Variants in XRN1 observed in about 807,000 individuals in gnomAD.
The protein encoded by XRN1 is strand-exchange protein 1 homolog.
XRN1 carries 67 observed loss-of-function variants against 222.3 expected under a neutral mutation model. The ratio of observed to expected loss-of-function variants is 0.30; its 90% confidence interval spans 0.25 to 0.37. The LOEUF (loss-of-function observed/expected upper bound fraction) is 0.37. XRN1 is among the 10% of genes least tolerant of loss of function. The pLI is 1.00. For missense variants in XRN1, 1,707 were observed against 2,000.2 expected, an observed-to-expected ratio of 0.85 and a Z score of 2.80; for synonymous variants, 643 against 652.4, an observed-to-expected ratio of 0.99 and a Z score of 0.22.
At chr3:142,335,359 A>G in intron 34 of XRN1, 89 bp downstream of exon 34, 1 of 1,294,182 alleles carries the variant, frequency 7.7e-7, no homozygotes. Flanking sequence ...AATTTGGTTG[A>G]AAAGGTTGAG....
rs949604517 is a variant in XRN1 at position 142,447,336 on chromosome 3, G to C, written c.75+534C>G. Among the ~76,000 whole-genome samples the C allele has an allele frequency of 2.0e-5, 3 of 152,150 alleles. No individual in the cohort carries two copies. Among genetic ancestry groups the C allele is most frequent in the South Asian group, 2.1e-4 (1 of 4,830 alleles). Reference sequence around the variant, plus strand: ...TTGAAATAACAGAAAGTAACAAAAGGCATCACCAATATGACCATCAGCCAC... The same window carrying C: ...TTGAAATAACAGAAAGTAACAAAAGCCATCACCAATATGACCATCAGCCAC... On this transcript the variant is annotated intron_variant, in intron 1 of 40. Transcript: ENST00000392981. The surrounding 1 kb of genome is among the most constrained non-coding windows in gnomAD (Gnocchi z 4.2).
chr3:142,391,749 AATATATATAT>A (rs56952263), intron 20 of XRN1, among the ~76,000 whole-genome samples: 5 of 103,462 alleles, frequency 4.8e-5, no homozygotes, highest in African/African-American at 1.1e-4. Flanking sequence ...AAAAAAAAAA[AATATATATAT>A]ATATATATAT....
At chr3:142,405,490 G>C (rs918949631) in intron 15 of XRN1, among the ~76,000 whole-genome samples, 2 of 151,988 alleles carry the variant, frequency 1.3e-5, no homozygotes. Context: ...AGTAATTCCA[G>C]TCAGGACATC....
intron 2 of XRN1, chr3:142,429,563 GA>G (rs1179817695): frequency 6.6e-6 from 1 of 152,254 alleles, no homozygotes; most frequent in Non-Finnish European, 1.5e-5. Context: ...TCACTGTAGA[GA>G]ATGGCAGAAA....
At chr3:142,413,999 T>TA in intron 14 of XRN1, 136 bp downstream of exon 14, 6 of 940,706 alleles carry the variant, frequency 6.4e-6, no homozygotes, top group African/African-American at 5.1e-5. Flanking sequence ...AGGGACTTGT[T>TA]AAAAAAATAC....
At chr3:142,333,899 T>C (rs1426563380) in intron 34 of XRN1, among the ~76,000 whole-genome samples, 2 of 152,218 alleles carry the variant, frequency 1.3e-5, no homozygotes, top group Non-Finnish European at 2.9e-5. Flanking sequence ...TTTTTAGCAT[T>C]AAAGACATTA....
chr3:142,371,327 C>T lies in XRN1; in HGVS notation c.2980G>A (p.Ala994Thr). ...EQLLAEYLER[A>T]PELFSYIAKN... ...GCTATATAACTAAATAGTTCTGGAGCTCTGGTCAAACAAACAAAAATATTG... is the reference window on the plus strand; with the variant it reads ...GCTATATAACTAAATAGTTCTGGAGTTCTGGTCAAACAAACAAAAATATTG... The change falls in exon 26 of 41, where the codon GCT becomes ACT. Residue 994 changes from alanine to threonine, a missense_variant and splice_region_variant. By Grantham distance (58) the Ala-to-Thr change is moderately conservative. Coordinates refer to ENST00000392981, the MANE Select transcript of XRN1 (RefSeq NM_001282857.2). 6.2e-7 allele frequency: 1 copy of T among 1,607,212 alleles called. No individual in the cohort carries two copies. Among genetic ancestry groups the T allele is most frequent in the Non-Finnish European group, 8.5e-7 (1 of 1,178,090 alleles).
At position 142,312,722 on chromosome 3, in the gene XRN1, G is replaced by A. The variant is rs771535258; in HGVS notation, c.4658C>T (p.Ser1553Leu). The A allele has an allele frequency of 2.0e-5, 33 of 1,612,624 alleles. No individual in the cohort carries two copies. The Admixed American group carries it at 4.5e-4, about 22-fold the overall frequency. Residue 1553 changes from serine to leucine, a missense_variant, in exon 40 of 41, where the codon TCA becomes TTA. Around this residue, in one of 2 missense-constraint regions of XRN1, gnomAD observed 473 missense variants for 482.0 expected, o/e 0.98. Transcript: ENST00000392981. ...TGGCACCGATGGTCCCCATGGCATT[G>A]AGCCAAAGAGATGAGACGACGAAGG... is the stretch of plus-strand genomic sequence containing the variant. ...IMPSSSHLFG[S>L]MPWGPSVPVP...
chr3:142,318,960 C>T lies in XRN1; in HGVS notation c.4405-57G>A, dbSNP rs961783010. ...TTCTCTGTCTAGGAAGTTGACCTCT[C>T]CCAAAGTTTAGTCTAAACAAGTAAA... is the stretch of plus-strand genomic sequence containing the variant. On this transcript the variant is annotated intron_variant, in intron 37 of 40. Coordinates refer to ENST00000392981, the MANE Select transcript of XRN1 (RefSeq NM_001282857.2). 3 of 1,410,498 alleles carry T rather than the reference C, an allele frequency of 2.1e-6. No individual in the cohort carries two copies. The African/African-American group carries it at 4.3e-5, about 20-fold the overall frequency. The allele number at this position is 1,410,498 out of a possible 1,614,324, so 87.4% of individuals were successfully genotyped here. A position where few individuals can be genotyped will look rare whatever the true frequency, so the allele number is the denominator to read the frequency against.
chr3:142,314,459 T>C (rs1204102158), intron 39 of XRN1, among the ~76,000 whole-genome samples: 1 of 152,000 alleles, frequency 6.6e-6, no homozygotes, highest in East Asian at 1.9e-4. Flanking sequence ...CTACACATAC[T>C]AATTACTTAA....
At chr3:142,329,177 G>A (rs1040362439) in intron 37 of XRN1, among the ~76,000 whole-genome samples, 2 of 152,100 alleles carry the variant, frequency 1.3e-5, no homozygotes, top group Non-Finnish European at 2.9e-5. Flanking sequence ...AATTGCTACT[G>A]TAGGCCAAGA....
chr3:142,396,286 T>A (rs1226736252), intron 20 of XRN1, among the ~76,000 whole-genome samples: 1 of 152,178 alleles, frequency 6.6e-6, no homozygotes, highest in Non-Finnish European at 1.5e-5. Context: ...TAAAATATTA[T>A]CTATTCATTC....
At chr3:142,340,547 G>C (rs972771419) in intron 33 of XRN1, among the ~76,000 whole-genome samples, 1 of 151,954 alleles carries the variant, frequency 6.6e-6, no homozygotes, top group Non-Finnish European at 1.5e-5. Context: ...TCTAGAGAAA[G>C]GTATCAATAT....
chr3:142,348,160 T>C (rs2066202642), intron 32 of XRN1, among the ~76,000 whole-genome samples: 1 of 152,106 alleles, frequency 6.6e-6, no homozygotes. Flanking sequence ...ATTCATTCTA[T>C]TTACTTGATG....
At chr3:142,377,328 T>G (rs1414607166) in intron 23 of XRN1, among the ~76,000 whole-genome samples, 1 of 152,042 alleles carries the variant, frequency 6.6e-6, no homozygotes, top group Non-Finnish European at 1.5e-5. Flanking sequence ...TAACATCATG[T>G]ACATAACAAT....
intron 15 of XRN1, among the ~76,000 whole-genome samples, chr3:142,408,480 TGACACCAGGTGCA>T (rs2068438713): frequency 6.6e-6 from 1 of 152,214 alleles, no homozygotes; most frequent in Admixed American, 6.5e-5. Flanking sequence ...ACCCATCCCA[TGACACCAGGTGCA>T]GATTTTCTAT....
In XRN1 at chr3:142,383,324, A is replaced by G; in HGVS notation, c.2592T>C (p.Thr864=). The G allele has an allele frequency of 3.7e-6, 6 of 1,613,696 alleles. No individual in the cohort carries two copies. The highest frequency in any genetic ancestry group is 5.1e-6 in the Non-Finnish European group (6 of 1,179,830). Residue 864 remains threonine, a synonymous_variant, in exon 22 of 41, where the codon ACT becomes ACC. Transcript: ENST00000392981. The stretch of plus-strand genomic sequence containing the variant: ...CTTCTCCAGTGCAGCCATAATAGGG[A>G]GTTCCCAGCATAAAGACCATACTTC... ...PLRSMVFMLG[T]PYYGCTGEVQ... is the part of the protein sequence containing the mutation.
At chr3:142,382,087 C>T (rs770149411) in intron 22 of XRN1, among the ~76,000 whole-genome samples, 5 of 152,122 alleles carry the variant, frequency 3.3e-5, no homozygotes, top group Non-Finnish European at 5.9e-5. Flanking sequence ...TCCTTTAATG[C>T]GATGCTAACT....
intron 27 of XRN1, among the ~76,000 whole-genome samples, chr3:142,365,856 A>G (rs1380615662): frequency 6.6e-6 from 1 of 152,218 alleles, no homozygotes; most frequent in African/African-American, 2.4e-5. Context: ...AAAGAATTAC[A>G]TACAATGGCC....
Sources: allele counts gnomAD v4.1 joint callset (sites outside exome capture counted in the v4.1 genomes callset), GRCh38; gene constraint gnomAD v4.1.1; regional missense constraint gnomAD v4.1.1; non-coding constraint Gnocchi (gnomAD v3.1); transcripts MANE v1.5; gene names NCBI Gene and HGNC (gene_info 2026-07-23, HGNC 2026-07-21).